Variants in UGT1A6 observed in about 807,000 individuals in gnomAD.
The protein encoded by UGT1A6 is UDP glucuronosyltransferase family 1 member A6.
Under a neutral mutation model 44.4 loss-of-function variants are expected in UGT1A6, and 32 were observed. The ratio of observed to expected loss-of-function variants is 0.72; its 90% CI spans 0.54 to 0.97. The LOEUF (loss-of-function observed/expected upper bound fraction) is 0.97. Ranked by LOEUF, UGT1A6 falls within the 50% of genes least tolerant of loss-of-function variation. The pLI, the probability that UGT1A6 is intolerant of heterozygous loss-of-function variation, is 0.00. For synonymous variants in UGT1A6, 238 were observed against 248.5 expected, an observed-to-expected ratio of 0.96 and a Z score of 0.40; for missense variants, 685 against 661.9, an observed-to-expected ratio of 1.03 and a Z score of -0.38.
intron 1 of UGT1A6, among the ~76,000 whole-genome samples, chr2:233,711,601 C>T (rs185037582): frequency 2.0e-5 from 3 of 152,298 alleles, no homozygotes; most frequent in Admixed American, 1.3e-4. Context: ...TTCCTGCCTG[C>T]GCCCTCTGGT....
At position 233,769,662 on chromosome 2, in the gene UGT1A6, G is replaced by A; in HGVS notation, c.1301+1223G>A. 1 of 1,599,484 alleles carries A rather than the reference G, an allele frequency of 6.3e-7. No individual in the cohort carries two copies. The highest frequency in any genetic ancestry group is 8.5e-7 in the Non-Finnish European group (1 of 1,173,496). On this transcript the variant is annotated intron_variant, in intron 4 of 4. Transcript: ENST00000305139. The surrounding 1 kb of genome is among the most constrained non-coding windows in gnomAD (Gnocchi z 4.4). ...GACTGATGACTGACTTCCCACCTTT[G>A]AGGTGCTAATGTGTGTGTGGTGGCA...
rs1031520342 is a variant in UGT1A6, at chr2:233,702,053, C to T, written c.861+8188C>T. Among the ~76,000 whole-genome samples, 3 of 152,266 alleles carry T rather than the reference C, an allele frequency of 2.0e-5. No homozygotes were observed. The East Asian group carries it at 5.8e-4, about 29-fold the overall frequency. On this transcript the variant is annotated intron_variant, in intron 1 of 4. Coordinates refer to ENST00000305139, the MANE Select transcript of UGT1A6 (RefSeq NM_001072.4). ...AAAACCCTTCAAAAAATTAACAATT[C>T]ACTAATTTTAATGGTTTTTGGTATA... is the stretch of plus-strand genomic sequence containing the variant.
intron 1 of UGT1A6, among the ~76,000 whole-genome samples, chr2:233,735,518 T>G (rs2078663521): frequency 6.6e-6 from 1 of 152,220 alleles, no homozygotes; most frequent in South Asian, 2.1e-4. Context: ...ACATTTAAGG[T>G]AAATATTGTT....
At chr2:233,744,159 G>A (rs958752952) in intron 1 of UGT1A6, 17 of 293,374 alleles carry the variant, frequency 5.8e-5, no homozygotes, top group African/African-American at 2.9e-4. Context: ...ACCAGGCCCC[G>A]CCCACTCCGG....
At chr2:233,729,454 T>C (rs758737792) in intron 1 of UGT1A6, 3 of 1,614,042 alleles carry the variant, frequency 1.9e-6, no homozygotes, top group Non-Finnish European at 2.5e-6. Flanking sequence ...TCTGAAGAAA[T>C]TTTTCAGAAG....
chr2:233,719,216 G>A (rs767651988), intron 1 of UGT1A6: 7 of 1,614,090 alleles, frequency 4.3e-6, no homozygotes, highest in East Asian at 4.5e-5. Context: ...TGGAGCTACT[G>A]CATAATGAGG....
intron 1 of UGT1A6, chr2:233,729,586 G>T (rs138085546): frequency 2.5e-6 from 4 of 1,614,044 alleles, no homozygotes; most frequent in Non-Finnish European, 2.5e-6. Flanking sequence ...AACAGACCCC[G>T]TTAACCTCTG....
Position 233,757,333 on chromosome 2 carries a change from C to A in UGT1A6, c.862-9701C>A, listed in dbSNP as rs574658157. Among the ~76,000 whole-genome samples the A allele has an allele frequency of 8.6e-4, 129 of 150,728 alleles. 1 individual carries two copies. Among genetic ancestry groups the A allele is most frequent in the African/African-American group, 3.1e-3 (127 of 40,864 alleles). ...GGGGGCTGGGGCCCTGAAATGGGAC[C>A]ATGACAGCTGGGTCTGAGAGACAGT... On this transcript the variant is annotated intron_variant, in intron 1 of 4. Coordinates refer to ENST00000305139, the MANE Select transcript of UGT1A6 (RefSeq NM_001072.4).
chr2:233,758,976 C>A (rs1219647743), intron 1 of UGT1A6, among the ~76,000 whole-genome samples: 1 of 152,198 alleles, frequency 6.6e-6, no homozygotes, highest in Non-Finnish European at 1.5e-5. Flanking sequence ...TCCCCTGGAT[C>A]TTGGGCCAGT....
At chr2:233,726,073 G>A (rs2077498872) in intron 1 of UGT1A6, among the ~76,000 whole-genome samples, 1 of 152,190 alleles carries the variant, frequency 6.6e-6, no homozygotes, top group Non-Finnish European at 1.5e-5. Context: ...GGCTGAGGCA[G>A]GAGGATTACT....
Position 233,713,355 on chromosome 2 carries a change from T to C in UGT1A6, c.861+19490T>C, listed in dbSNP as rs1432041906. 4 of 1,614,234 alleles carry C rather than the reference T, an allele frequency of 2.5e-6. No individual in the cohort carries two copies. In the East Asian group the frequency reaches 8.9e-5, roughly 36 times the overall value. On this transcript the variant is annotated intron_variant, in intron 1 of 4. Coordinates refer to ENST00000305139, the MANE Select transcript of UGT1A6 (RefSeq NM_001072.4). ...AATGGCAATTATGAACAATATGTCT[T>C]TGATCATACATAGGTCTTGTGTGGA...
intron 1 of UGT1A6, among the ~76,000 whole-genome samples, chr2:233,757,890 C>A (rs1243643076): frequency 6.6e-6 from 1 of 152,110 alleles, no homozygotes; most frequent in Non-Finnish European, 1.5e-5. Flanking sequence ...GTTCCAGAAA[C>A]ACTTTCCATG....
At chr2:233,713,545 C>T (rs754205672) in intron 1 of UGT1A6, 16 of 1,613,878 alleles carry the variant, frequency 9.9e-6, no homozygotes, top group African/African-American at 1.3e-5. Context: ...TTTAAGGGCA[C>T]ACAGTGTCCA....
At chr2:233,753,617 T>A (rs7608038) in intron 1 of UGT1A6, 1 of 152,200 alleles carries the variant, frequency 6.6e-6, no homozygotes, top group African/African-American at 2.4e-5. Flanking sequence ...AGGTCTTCAT[T>A]TGGGGCATAA....
intron 1 of UGT1A6, among the ~76,000 whole-genome samples, chr2:233,756,700 T>C (rs1696300397): frequency 6.6e-6 from 1 of 152,160 alleles, no homozygotes; most frequent in Non-Finnish European, 1.5e-5. Flanking sequence ...CGATGAATTT[T>C]GGGGGGACTT....
At chr2:233,754,155 A>T (rs1695407663) in intron 1 of UGT1A6, 1 of 153,430 alleles carries the variant, frequency 6.5e-6, no homozygotes, top group Admixed American at 6.4e-5. Flanking sequence ...AAATTAAGCC[A>T]GAGTATTAAT....
chr2:233,760,878 C>T (rs1697595439), intron 1 of UGT1A6: 1 of 1,614,062 alleles, frequency 6.2e-7, no homozygotes, highest in Admixed American at 1.7e-5. Context: ...CCAGGCCTCT[C>T]TCCTCTCATT....
intron 1 of UGT1A6, chr2:233,713,115 C>T (rs2076279485): frequency 6.2e-7 from 1 of 1,614,098 alleles, no homozygotes; most frequent in African/African-American, 1.3e-5. Context: ...CAGCCACTGG[C>T]TCAGCATGCG....
chr2:233,735,710 G>A (rs2078686166), intron 1 of UGT1A6, among the ~76,000 whole-genome samples: 1 of 152,114 alleles, frequency 6.6e-6, no homozygotes, highest in Non-Finnish European at 1.5e-5. Context: ...GCCTGGTGGT[G>A]ACAAAATCTC....
Sources: gnomAD v4.1 joint callset for allele counts (sites outside exome capture counted in the v4.1 genomes callset) on GRCh38, gnomAD v4.1.1 for gene constraint, Gnocchi (gnomAD v3.1) non-coding constraint, MANE v1.5 for transcripts, NCBI Gene and HGNC (gene_info 2026-07-23, HGNC 2026-07-21) for gene names.